Variants in REEP5 observed in about 807,000 individuals in gnomAD.
REEP5 encodes receptor expression-enhancing protein 5.
Under a neutral mutation model 22.4 loss-of-function variants are expected in REEP5, and 24 were observed. That is an observed-to-expected ratio of 1.07 (90% confidence interval 0.78 to 1.51). The LOEUF (loss-of-function observed/expected upper bound fraction) is 1.51, where lower values mean the gene tolerates loss of function less well. Ranked by LOEUF, REEP5 falls within the 40% of genes most tolerant of loss-of-function variation. The pLI, the probability that REEP5 is intolerant of heterozygous loss-of-function variation, is 0.00. For missense variants in REEP5, 252 were observed against 233.0 expected, an observed-to-expected ratio of 1.08 and a Z score of -0.53; for synonymous variants, 103 against 88.6, an observed-to-expected ratio of 1.16 and a Z score of -0.92.
chr5:112,893,014 C>A, intron 3 of REEP5: 1 of 1,554,288 alleles, frequency 6.4e-7, no homozygotes, highest in South Asian at 1.1e-5. Flanking sequence ...CTCTAGGTGC[C>A]GAAGTCGTGG....
intron 2 of REEP5, among the ~76,000 whole-genome samples, chr5:112,909,245 G>C (rs1015204337): frequency 1.4e-5 from 2 of 146,828 alleles, no homozygotes; most frequent in African/African-American, 5.1e-5. Context: ...ATCTAGTATG[G>C]ATAAGCCTCA....
At chr5:112,915,653 A>AT (rs1769215877) in intron 2 of REEP5, among the ~76,000 whole-genome samples, 1 of 152,176 alleles carries the variant, frequency 6.6e-6, no homozygotes, top group Non-Finnish European at 1.5e-5. Context: ...TGCCTGTTAT[A>AT]TTTTTTATCC....
At chr5:112,887,525 AC>A (rs1480433932) in intron 3 of REEP5, among the ~76,000 whole-genome samples, 1 of 152,074 alleles carries the variant, frequency 6.6e-6, no homozygotes, top group Non-Finnish European at 1.5e-5. Flanking sequence ...AAAATATAGT[AC>A]TTATCTGCAT....
At chr5:112,891,937 G>T (rs758011778) in intron 3 of REEP5, 45 of 1,241,022 alleles carry the variant, frequency 3.6e-5, no homozygotes, top group Non-Finnish European at 5.0e-5. Flanking sequence ...AAAGGAAGAG[G>T]CGGCTAAAAA....
intron 3 of REEP5, chr5:112,898,045 CA>C (rs1379855091): frequency 2.0e-5 from 3 of 152,212 alleles, no homozygotes. Context: ...GGTGACAGAG[CA>C]ACACTCTGTC....
intron 3 of REEP5, chr5:112,896,043 T>G (rs1406580541): frequency 6.6e-6 from 1 of 152,616 alleles, no homozygotes; most frequent in Admixed American, 6.5e-5. Context: ...GAAGAGATAT[T>G]TCCCAGGTAG....
intron 2 of REEP5, among the ~76,000 whole-genome samples, chr5:112,913,304 CAGAAAGAA>C (rs1240537356): frequency 9.5e-6 from 1 of 104,950 alleles, no homozygotes; most frequent in African/African-American, 3.7e-5. Context: ...GAAAGAAAGA[CAGAAAGAA>C]AGAAAGACAG....
At chr5:112,901,623 A>G (rs1333562669) in intron 3 of REEP5, among the ~76,000 whole-genome samples, 1 of 151,520 alleles carries the variant, frequency 6.6e-6, no homozygotes, top group African/African-American at 2.4e-5. Flanking sequence ...GAGGCAGGAC[A>G]ATCACTTGAA....
chr5:112,901,655 T>C (rs970935632), intron 3 of REEP5, among the ~76,000 whole-genome samples: 11 of 150,188 alleles, frequency 7.3e-5, no homozygotes, highest in African/African-American at 2.7e-4. Flanking sequence ...GAGGTTGCAG[T>C]GAGCGGAGAT....
At chr5:112,901,163 A>T (rs1193894188) in intron 3 of REEP5, among the ~76,000 whole-genome samples, 3 of 152,152 alleles carry the variant, frequency 2.0e-5, no homozygotes, top group Admixed American at 1.3e-4. Flanking sequence ...AAAGAAAAAC[A>T]ACACAATCAA....
chr5:112,879,387 C>T (rs761853398), intron 4 of REEP5, among the ~76,000 whole-genome samples: 2 of 152,004 alleles, frequency 1.3e-5, no homozygotes, highest in African/African-American at 4.8e-5. Flanking sequence ...CCTACAGATA[C>T]CAAAATCTGT....
chr5:112,901,970 GAAA>G (rs796149854), intron 3 of REEP5, among the ~76,000 whole-genome samples: 3 of 67,508 alleles, frequency 4.4e-5, no homozygotes, highest in African/African-American at 1.5e-4. Flanking sequence ...CTCAAAAAAA[GAAA>G]AAAAAAAAAA....
intron 2 of REEP5, 145 bp from the exon 3 acceptor site, chr5:112,902,663 T>G (rs555903041): frequency 1.5e-6 from 1 of 651,012 alleles, no homozygotes; most frequent in African/African-American, 1.9e-5. Context: ...AGAGTACAGC[T>G]TAAAGACTGG....
chr5:112,882,147 C>T (rs1007558987), intron 4 of REEP5: 1 of 153,232 alleles, frequency 6.5e-6, no homozygotes, highest in Admixed American at 6.5e-5. Flanking sequence ...ATCCTGACCT[C>T]TTAGTTCCTC....
At position 112,901,635 on chromosome 5, in the gene REEP5, C is replaced by A. The variant is rs148932511; in HGVS notation, c.351+745G>T. Among the ~76,000 whole-genome samples the A allele has an allele frequency of 4.0e-3, 612 of 151,424 alleles. 2 individuals are homozygous for A. The highest frequency in any genetic ancestry group is 0.014 in the African/African-American group (589 of 41,244). On this transcript the variant is annotated intron_variant, in intron 3 of 4. Coordinates refer to ENST00000379638, the MANE Select transcript of REEP5 (RefSeq NM_005669.5). Reference sequence around the variant, plus strand: ...GCTGAGGCAGGACAATCACTTGAACCCAGGATGCGGAGGTTGCAGTGAGCG... The same window carrying A: ...GCTGAGGCAGGACAATCACTTGAACACAGGATGCGGAGGTTGCAGTGAGCG...
At chr5:112,902,289 G>C in intron 3 of REEP5, 91 bp downstream of exon 3, 3 of 1,275,464 alleles carry the variant, frequency 2.4e-6, no homozygotes, top group Non-Finnish European at 3.2e-6. Context: ...ATCTGAGACA[G>C]AGCCACAGAT....
intron 4 of REEP5, among the ~76,000 whole-genome samples, chr5:112,880,393 G>T (rs893445104): frequency 3.9e-5 from 6 of 152,168 alleles, no homozygotes; most frequent in African/African-American, 1.4e-4. Flanking sequence ...AAGCCTCCAG[G>T]GCCCACTGTG....
At chr5:112,907,612 T>C (rs561551713) in intron 2 of REEP5, among the ~76,000 whole-genome samples, 1 of 152,326 alleles carries the variant, frequency 6.6e-6, no homozygotes, top group Non-Finnish European at 1.5e-5. Flanking sequence ...GGAATCACCA[T>C]GTGTGGAGTT....
In REEP5 at chr5:112,919,717, G is replaced by A. The variant is rs115429630; in HGVS notation, c.212+1446C>T. Among the ~76,000 whole-genome samples the A allele has an allele frequency of 4.5e-3, 689 of 152,200 alleles. 6 individuals carry two copies. The highest frequency in any genetic ancestry group is 0.016 in the African/African-American group (648 of 41,526). On this transcript the variant is annotated intron_variant, in intron 2 of 4. Coordinates refer to ENST00000379638, the MANE Select transcript of REEP5 (RefSeq NM_005669.5). ...TTGAAGCAGGGAGCAAGCCCTCACC[G>A]GACACCAAATCTGCTGGTGCCTTGG...
Sources: gnomAD v4.1 joint callset for allele counts (sites outside exome capture counted in the v4.1 genomes callset) on GRCh38, gnomAD v4.1.1 for gene constraint, MANE v1.5 for transcripts, NCBI Gene and HGNC (gene_info 2026-07-23, HGNC 2026-07-21) for gene names.